The following HOXB3 variants were observed in gnomAD, a reference collection of about 807,000 sequenced individuals.
HOXB3 encodes the protein homeobox protein Hox-B3.
HOXB3 carries 17 observed loss-of-function variants against 29.2 expected under a neutral mutation model. The observed-to-expected ratio is 0.58, with a 90% CI of 0.40 to 0.87. The LOEUF is 0.87. HOXB3 is among the 40% of genes least tolerant of loss of function. The pLI is 0.00. For missense variants in HOXB3, 637 were observed against 616.3 expected (o/e 1.03, Z -0.35); for synonymous variants, 317 against 285.9 (o/e 1.11, Z -1.10).
In HOXB3 at chr17:48,550,285, C is replaced by T. The variant is rs1219908721; in HGVS notation, c.*49G>A. ...CTCCAGGTTGCCCCCCAGAGCTCCA[C>T]AGTCTCTCTCTTCCTCCCCATCCCC... On this transcript the variant is annotated 3_prime_UTR_variant, in exon 5 of 5. Coordinates refer to ENST00000498678, the MANE Select transcript of HOXB3 (RefSeq NM_001384749.1). The T allele has an allele frequency of 3.1e-6, 5 of 1,610,554 alleles. No individual in the cohort carries two copies. The highest frequency in any genetic ancestry group is 2.2e-5 in the South Asian group (2 of 90,698).
chr17:48,570,809 T>C (rs1249466085), intron 2 of HOXB3, among the ~76,000 whole-genome samples: 1 of 152,186 alleles, frequency 6.6e-6, no homozygotes, highest in African/African-American at 2.4e-5. Flanking sequence ...CAGACTGGTA[T>C]TGAATTCAGC....
chr17:48,579,979 C>A (rs1169523453), intron 1 of HOXB3: 1 of 503,570 alleles, frequency 2.0e-6, no homozygotes, highest in Non-Finnish European at 4.1e-6. Context: ...AGTTCTCCTA[C>A]TTTCCGCGCC....
At chr17:48,577,756 G>C in intron 1 of HOXB3, 1 of 1,004,484 alleles carries the variant, frequency 1.0e-6, no homozygotes, top group South Asian at 4.1e-5. Flanking sequence ...GTTTATAGCG[G>C]GGACAATTGG....
intron 1 of HOXB3, among the ~76,000 whole-genome samples, chr17:48,577,528 ACCT>A (rs1405497913): frequency 1.3e-5 from 2 of 151,788 alleles, no homozygotes; most frequent in East Asian, 1.9e-4. Flanking sequence ...AATACGGATT[ACCT>A]CCTCCTCCTT....
intron 1 of HOXB3, chr17:48,580,760 A>G (rs1238131816): frequency 6.6e-6 from 1 of 152,182 alleles, no homozygotes; most frequent in Non-Finnish European, 1.5e-5. Flanking sequence ...CCATTTCCCC[A>G]CCTTCCTAGC....
At chr17:48,572,830 G>T (rs965694687) in intron 2 of HOXB3, among the ~76,000 whole-genome samples, 1 of 152,168 alleles carries the variant, frequency 6.6e-6, no homozygotes, top group African/African-American at 2.4e-5. Flanking sequence ...TCCCTGCAGA[G>T]GTGTGACTCT....
At chr17:48,577,420 T>C (rs1188306588) in intron 1 of HOXB3, among the ~76,000 whole-genome samples, 1 of 152,196 alleles carries the variant, frequency 6.6e-6, no homozygotes, top group African/African-American at 2.4e-5. Flanking sequence ...AAGCAGTGCC[T>C]ACCCCTACTG....
chr17:48,586,339 C>T (rs1392870130), intron 1 of HOXB3, among the ~76,000 whole-genome samples: 2 of 152,222 alleles, frequency 1.3e-5, no homozygotes, highest in Non-Finnish European at 2.9e-5. Context: ...CCCAAATTTC[C>T]CCTCTTCCTC....
chr17:48,563,857 A>T (rs1015739614), intron 2 of HOXB3, among the ~76,000 whole-genome samples: 1 of 109,466 alleles, frequency 9.1e-6, no homozygotes, highest in African/African-American at 3.6e-5. Context: ...CCCCAACCCC[A>T]CTGCCCCTAA....
At chr17:48,585,477 T>C (rs1445409071) in intron 1 of HOXB3, among the ~76,000 whole-genome samples, 2 of 152,164 alleles carry the variant, frequency 1.3e-5, no homozygotes, top group Non-Finnish European at 2.9e-5. Flanking sequence ...GGGGCCACCT[T>C]GCGCGGCCGC....
intron 2 of HOXB3, among the ~76,000 whole-genome samples, chr17:48,556,048 C>T (rs537629790): frequency 2.0e-5 from 3 of 152,074 alleles, no homozygotes; most frequent in Non-Finnish European, 2.9e-5. Context: ...GCTTAGATGC[C>T]TGATAAGGAG....
At chr17:48,557,970 G>A (rs1400315603) in intron 2 of HOXB3, among the ~76,000 whole-genome samples, 1 of 151,870 alleles carries the variant, frequency 6.6e-6, no homozygotes, top group Non-Finnish European at 1.5e-5. Context: ...GTGGGTCAGG[G>A]ACTCAGGCCA....
chr17:48,589,818 A>G (rs2070115569), intron 1 of HOXB3, among the ~76,000 whole-genome samples: 1 of 152,132 alleles, frequency 6.6e-6, no homozygotes, highest in South Asian at 2.1e-4. Context: ...TCTTTCAGCA[A>G]TATACACCCC....
intron 1 of HOXB3, among the ~76,000 whole-genome samples, chr17:48,586,636 A>G (rs1353323955): frequency 6.6e-6 from 1 of 152,228 alleles, no homozygotes; most frequent in Non-Finnish European, 1.5e-5. Flanking sequence ...ATGGCGATTT[A>G]ATCGTTGAGA....
intron 2 of HOXB3, among the ~76,000 whole-genome samples, chr17:48,562,477 C>G (rs551763046): frequency 7.9e-5 from 12 of 152,158 alleles, no homozygotes; most frequent in Admixed American, 3.9e-4. Context: ...TTCCCTACCC[C>G]CAAAGCTGTG....
In HOXB3 at chr17:48,550,609, A is replaced by G. The variant is rs574947932; in HGVS notation, c.1021T>C (p.Tyr341His). Residue 341 changes from tyrosine to histidine, a missense_variant, in exon 5 of 5, where the codon TAC becomes CAC. By Grantham distance (83) the Tyr-to-His change is moderately conservative. Coordinates refer to ENST00000498678, the MANE Select transcript of HOXB3 (RefSeq NM_001384749.1). Reference sequence around the variant, plus strand: ...CTGCCCTGCATGGTGGGCGTCCCGTAGGCGCCCCCGTTGGCTTGGAGGACG... The same window carrying G: ...CTGCCCTGCATGGTGGGCGTCCCGTGGGCGCCCCCGTTGGCTTGGAGGACG... The part of the protein sequence containing the change: ...PHVLQANGGA[Y>H]GTPTMQGSPV... The G allele has an allele frequency of 1.3e-6, 2 of 1,520,806 alleles. No individual in the cohort carries two copies. The highest frequency in any genetic ancestry group is 2.2e-5 in the Admixed American group (1 of 44,868). 94.2% of individuals were successfully genotyped at this position (1,520,806 alleles called of 1,614,324 possible).
At chr17:48,577,290 G>T (rs894671550) in intron 1 of HOXB3, among the ~76,000 whole-genome samples, 1 of 152,102 alleles carries the variant, frequency 6.6e-6, no homozygotes, top group African/African-American at 2.4e-5. Flanking sequence ...GGTTTTAATT[G>T]CTCCTCTCTC....
rs1160920330 is a variant in HOXB3 at position 48,552,179 on chromosome 17, G to A, written c.296C>T (p.Ala99Val). The A allele has an allele frequency of 6.2e-7, 1 of 1,613,946 alleles. No individual in the cohort carries two copies. Among genetic ancestry groups the A allele is most frequent in the Admixed American group, 1.7e-5 (1 of 60,012 alleles). The change falls in exon 4 of 5, where the codon GCC (alanine) becomes GTC (valine). Residue 99 changes from alanine (A) to valine (V), a missense_variant. By Grantham distance (64) the Ala-to-Val change is moderately conservative (BLOSUM62 0). Coordinates refer to ENST00000498678, the MANE Select transcript of HOXB3 (RefSeq NM_001384749.1). The part of the protein sequence containing the change: ...SPPPSAAPTS[A>V]TSNSSNGGGP... Reference sequence around the variant, plus strand: ...GCCCCCATTACTGCTGTTGCTAGTGGCACTGGTAGGTGCGGCACTGGGCGG... The same window carrying A: ...GCCCCCATTACTGCTGTTGCTAGTGACACTGGTAGGTGCGGCACTGGGCGG...
intron 1 of HOXB3, among the ~76,000 whole-genome samples, chr17:48,586,578 G>A (rs2070052321): frequency 6.6e-6 from 1 of 152,168 alleles, no homozygotes; most frequent in Admixed American, 6.5e-5. Context: ...GATGAGATAT[G>A]AGCGTTGATT....
Sources: allele counts gnomAD v4.1 joint callset (sites outside exome capture counted in the v4.1 genomes callset), GRCh38; gene constraint gnomAD v4.1.1; transcripts MANE v1.5; gene names NCBI Gene and HGNC (gene_info 2026-07-23, HGNC 2026-07-21).